The following AHRR variants were observed in gnomAD, a reference collection of about 807,000 sequenced individuals.
AHRR encodes the protein ahR repressor.
AHRR carries 28 observed loss-of-function variants against 44.0 expected under a neutral mutation model. That is an observed-to-expected ratio of 0.64 (90% CI 0.47 to 0.87). AHRR has a LOEUF of 0.87. Ranked by LOEUF, AHRR falls within the 40% of genes least tolerant of loss-of-function variation. The pLI is 0.00. For missense variants in AHRR, 990 were observed against 953.9 expected, an observed-to-expected ratio of 1.04 and a Z score of -0.50; for synonymous variants, 434 against 407.0, an observed-to-expected ratio of 1.07 and a Z score of -0.80.
rs762503694 is a variant in AHRR, at chr5:422,869, G to A, written c.571+11G>A. 6.2e-6 allele frequency: 10 copies of A among 1,606,880 alleles called. No homozygotes were observed. In the Admixed American group the frequency reaches 1.7e-4, roughly 27 times the overall value. ...CGCCCTTGGAGACAGGTGGGTGTCT[G>A]GGGTCCAAGTGAGTCAGCAAAACCT... On this transcript the variant is annotated intron_variant, in intron 6 of 10. Transcript: ENST00000684583.
chr5:353,797 T>G lies in AHRR; in HGVS notation c.130T>G (p.Leu44Val). Residue 44 changes from leucine to valine, a missense_variant, in exon 3 of 11, where the codon TTG (leucine) becomes GTG (valine). By Grantham distance (32) the Leu-to-Val change is conservative. Transcript: ENST00000684583. ...KRHRDRLNAE[L>V]DHLASLLPFP... ...ACACCGGGACCGCCTCAACGCCGAG[T>G]TGGACCACCTGGCCAGCCTGCTGCC... The G allele has an allele frequency of 6.2e-7, 1 of 1,613,588 alleles. No homozygotes were observed. Among genetic ancestry groups the G allele is most frequent in the Non-Finnish European group, 8.5e-7 (1 of 1,179,908 alleles).
At chr5:360,849 T>C (rs544084189) in intron 3 of AHRR, among the ~76,000 whole-genome samples, 3 of 152,298 alleles carry the variant, frequency 2.0e-5, no homozygotes, top group African/African-American at 7.2e-5. Context: ...TTCTCCTTAC[T>C]GCTTATAGTG....
intron 8 of AHRR, among the ~76,000 whole-genome samples, chr5:430,423 G>A (rs1207288290): frequency 6.6e-6 from 1 of 152,252 alleles, no homozygotes; most frequent in Admixed American, 6.5e-5. Context: ...CTGGCTTCCC[G>A]ATGCAGAGGA....
At chr5:408,078 C>T (rs1333896961) in intron 4 of AHRR, among the ~76,000 whole-genome samples, 5 of 152,244 alleles carry the variant, frequency 3.3e-5, no homozygotes, top group Non-Finnish European at 1.5e-5. Context: ...TGTCTCCACC[C>T]CTGGCACTCT....
At chr5:374,205 G>C (rs1289977168) in intron 3 of AHRR, among the ~76,000 whole-genome samples, 1 of 152,074 alleles carries the variant, frequency 6.6e-6, no homozygotes, top group African/African-American at 2.4e-5. Flanking sequence ...GAGCGCCCAG[G>C]GCCAGCACGG....
intron 1 of AHRR, 123 bp from the exon 2 acceptor site, chr5:343,770 T>C (rs2292631): frequency 0.58 from 536,116 of 923,308 alleles, 164,038 homozygotes; most frequent in Non-Finnish European, 0.64. Context: ...GAGCAGGAGG[T>C]GGGGGCCTCG....
In AHRR at chr5:419,947, A is replaced by G. The variant is rs577341739; in HGVS notation, c.442-2782A>G. 6.6e-6 allele frequency among the ~76,000 whole-genome samples: 1 copy of G among 152,334 alleles called. No homozygotes were observed. The highest frequency in any genetic ancestry group is 1.9e-4 in the East Asian group (1 of 5,186). ...GAGTGGTTTAGAATAAGAACTCCGA[A>G]AGGTTCCTTGTGGATCCCCTTTTCT... On this transcript the variant is annotated intron_variant, in intron 5 of 10. Transcript: ENST00000684583. The surrounding 1 kb of genome is among the most constrained non-coding windows in gnomAD (Gnocchi z 4.4).
At chr5:361,265 G>A (rs1289002970) in intron 3 of AHRR, among the ~76,000 whole-genome samples, 4 of 152,190 alleles carry the variant, frequency 2.6e-5, no homozygotes, top group Non-Finnish European at 5.9e-5. Context: ...TGTTCTGGAC[G>A]GACTTGCACG....
At chr5:341,676 C>T (rs193053764) in intron 1 of AHRR, among the ~76,000 whole-genome samples, 7 of 152,174 alleles carry the variant, frequency 4.6e-5, no homozygotes, top group Admixed American at 2.6e-4. Context: ...CATGAGCCAC[C>T]ACGCCCTGCC....
chr5:421,215 C>T, intron 5 of AHRR: 2 of 679,902 alleles, frequency 2.9e-6, no homozygotes, highest in Admixed American at 2.1e-5. Flanking sequence ...ACCCAGCGGC[C>T]TCCTCGTCGG....
intron 5 of AHRR, among the ~76,000 whole-genome samples, chr5:415,493 CCGAGTCTCCCTGGTCGGGT>C (rs1735721442): frequency 8.1e-6 from 1 of 123,088 alleles, no homozygotes; most frequent in Admixed American, 7.5e-5. Flanking sequence ...GGCCTAGGGG[CCGAGTCTCCCTGGTCGGGT>C]GGGAGGCCTA....
intron 10 of AHRR, 24 bp downstream of exon 10, chr5:432,971 C>T: frequency 1.9e-6 from 3 of 1,563,472 alleles, no homozygotes; most frequent in Non-Finnish European, 2.6e-6. Context: ...GGCAGCCTCC[C>T]CCAGCCCTGG....
At chr5:375,647 G>A (rs1239354869) in intron 3 of AHRR, among the ~76,000 whole-genome samples, 5 of 152,236 alleles carry the variant, frequency 3.3e-5, no homozygotes, top group Non-Finnish European at 5.9e-5. Flanking sequence ...CTTCAGCTGA[G>A]GATCCGGGAG....
chr5:388,177 C>T lies in AHRR; in HGVS notation c.351+11461C>T, dbSNP rs1241983267. Among the ~76,000 whole-genome samples, 2 of 152,214 alleles carry T rather than the reference C, an allele frequency of 1.3e-5. No individual in the cohort carries two copies. The highest frequency in any genetic ancestry group is 2.4e-5 in the African/African-American group (1 of 41,450). On this transcript the variant is annotated intron_variant, in intron 4 of 10. Coordinates refer to ENST00000684583, the MANE Select transcript of AHRR (RefSeq NM_001377236.1). This position sits in a 1 kb window ranked among gnomAD's most constrained non-coding sequence, Gnocchi z 5.2. ...TTGGAGGACACCACTCAGCCCAGTA[C>T]CACTGTGCTTACCTCACAGCTCTAT...
In AHRR at chr5:404,829, C is replaced by T. The variant is rs183387556; in HGVS notation, c.352-8515C>T. Among the ~76,000 whole-genome samples, 2 of 152,254 alleles carry T rather than the reference C, an allele frequency of 1.3e-5. No homozygotes were observed. Among genetic ancestry groups the T allele is most frequent in the African/African-American group, 4.8e-5 (2 of 41,540 alleles). On this transcript the variant is annotated intron_variant, in intron 4 of 10. Transcript: ENST00000684583. The surrounding 1 kb of genome is among the most constrained non-coding windows in gnomAD (Gnocchi z 4.1). ...CGCAGGACATGGTGAGATGATTATC[C>T]AGCTTGCTAATCTGCCAGCGGGCAC...
rs1403938243 is a variant in AHRR at position 343,879 on chromosome 5, C to A, written c.-10-14C>A. 1 of 1,594,436 alleles carries A rather than the reference C, an allele frequency of 6.3e-7. No individual in the cohort carries two copies. Among genetic ancestry groups the A allele is most frequent in the East Asian group, 2.3e-5 (1 of 42,682 alleles). ...TGGCGCGTTCCGGTGACCGGGTGCCCCCTTGTCTTCCAGGCCGAGGACGAT... is the reference window on the plus strand; with the variant it reads ...TGGCGCGTTCCGGTGACCGGGTGCCACCTTGTCTTCCAGGCCGAGGACGAT... On this transcript the variant is annotated splice_polypyrimidine_tract_variant and intron_variant, in intron 1 of 10. Coordinates refer to ENST00000684583, the MANE Select transcript of AHRR (RefSeq NM_001377236.1).
Position 406,085 on chromosome 5 carries a change from TG to T in AHRR, c.352-7255del, listed in dbSNP as rs1295215546. Among the ~76,000 whole-genome samples the T allele has an allele frequency of 6.6e-6, 1 of 151,838 alleles. No individual in the cohort carries two copies. The highest frequency in any genetic ancestry group is 2.4e-5 in the African/African-American group (1 of 41,286). ...GTAGAAATTCTGCAACAAAATTAAC[TG>T]GGGAAAAAAAAACTAGGGAGAAAAC... On this transcript the variant is annotated intron_variant, in intron 4 of 10. Transcript: ENST00000684583. This position sits in a 1 kb window ranked among gnomAD's most constrained non-coding sequence, Gnocchi z 4.7.
intron 3 of AHRR, chr5:368,048 T>C: frequency 1.6e-6 from 1 of 638,242 alleles, no homozygotes; most frequent in Non-Finnish European, 2.9e-6. Context: ...TGGGTGTTAG[T>C]TGTAAATTCA....
At chr5:367,668 G>C in intron 3 of AHRR, 1 of 596,510 alleles carries the variant, frequency 1.7e-6, no homozygotes, top group Non-Finnish European at 3.0e-6. Flanking sequence ...CCCCTCAGGA[G>C]GCCTTCCCCA....
Sources: allele counts gnomAD v4.1 joint callset (sites outside exome capture counted in the v4.1 genomes callset), GRCh38; gene constraint gnomAD v4.1.1; non-coding constraint Gnocchi (gnomAD v3.1); transcripts MANE v1.5; gene names NCBI Gene and HGNC (gene_info 2026-07-23, HGNC 2026-07-21).